Variants in TCERG1 observed in about 807,000 individuals in gnomAD.
The protein encoded by TCERG1 is transcription elongation regulator 1.
A neutral mutation model predicts 144.7 loss-of-function variants in TCERG1; 37 were observed. That is an observed-to-expected ratio of 0.26 (90% CI 0.20 to 0.34). The LOEUF is 0.34. Ranked by LOEUF, TCERG1 falls within the 10% of genes least tolerant of loss-of-function variation. TCERG1 has a pLI of 1.00. For missense variants in TCERG1, 1,027 were observed against 1,380.7 expected (o/e 0.74, Z 4.06); for synonymous variants, 492 against 458.2 (o/e 1.07, Z -0.94).
chr5:146,493,129 T>C (rs1766578673), intron 16 of TCERG1, 91 bp downstream of exon 16: 2 of 962,700 alleles, frequency 2.1e-6, no homozygotes, highest in Non-Finnish European at 3.0e-6. Context: ...ATTTTTTGAC[T>C]ATTTGGGCAC....
chr5:146,468,322 T>C lies in TCERG1; in HGVS notation c.1136-19T>C. The C allele has an allele frequency of 6.4e-7, 1 of 1,573,332 alleles. No homozygotes were observed. Among genetic ancestry groups the C allele is most frequent in the Non-Finnish European group, 8.6e-7 (1 of 1,157,920 alleles). ...ACAATGGCAGCTTTCCAACGTATGC[T>C]TGCTTATCCATTTTACAGGTGTAGC... On this transcript the variant is annotated intron_variant, in intron 5 of 22. Coordinates refer to ENST00000679501, the MANE Select transcript of TCERG1 (RefSeq NM_001382548.1).
At chr5:146,509,323 C>A in intron 22 of TCERG1, 78 bp downstream of exon 22, 2 of 934,224 alleles carry the variant, frequency 2.1e-6, no homozygotes, top group Non-Finnish European at 1.7e-6. Flanking sequence ...GCATTCTTTG[C>A]ATTCACACAC....
intron 17 of TCERG1, among the ~76,000 whole-genome samples, chr5:146,501,641 T>C (rs968098564): frequency 2.6e-5 from 4 of 152,206 alleles, no homozygotes; most frequent in Admixed American, 2.6e-4. Context: ...GTGTTCATCA[T>C]GTCAGATACA....
At chr5:146,510,119 G>A in intron 22 of TCERG1, 1 of 1,301,794 alleles carries the variant, frequency 7.7e-7, no homozygotes, top group Non-Finnish European at 1.0e-6. Context: ...GCTGGGATTG[G>A]CAGCCCCGCA....
At position 146,497,934 on chromosome 5, in the gene TCERG1, G is replaced by A. The variant is rs118146514; in HGVS notation, c.2283-602G>A. Among the ~76,000 whole-genome samples, 1,441 of 152,166 alleles carry A rather than the reference G, an allele frequency of 9.5e-3. 37 individuals carry two copies. Among genetic ancestry groups the A allele is most frequent in the East Asian group, 0.072 (374 of 5,178 alleles). On this transcript the variant is annotated intron_variant, in intron 16 of 22. Transcript: ENST00000679501. ...CTTAGCTGTGGACTCATGGGTAATC[G>A]CTAAGTCAGATTTTTCTTGGGTACC...
chr5:146,478,082 T>A (rs1186423512), intron 9 of TCERG1, among the ~76,000 whole-genome samples: 1 of 152,184 alleles, frequency 6.6e-6, no homozygotes, highest in East Asian at 1.9e-4. Context: ...TAGTTTTGGT[T>A]TGTTAAGAAA....
chr5:146,502,079 A>G (rs1361032673), intron 17 of TCERG1, among the ~76,000 whole-genome samples: 1 of 151,828 alleles, frequency 6.6e-6, no homozygotes, highest in Admixed American at 6.6e-5. Flanking sequence ...TATTTTTAGT[A>G]GAAACGGGGT....
At chr5:146,449,207 G>C (rs1762151730) in intron 1 of TCERG1, among the ~76,000 whole-genome samples, 1 of 152,140 alleles carries the variant, frequency 6.6e-6, no homozygotes, top group Admixed American at 6.5e-5. Flanking sequence ...TAACCGCCTG[G>C]CAAATGAGAT....
chr5:146,496,824 C>T (rs1164106595), intron 16 of TCERG1, among the ~76,000 whole-genome samples: 1 of 150,974 alleles, frequency 6.6e-6, no homozygotes, highest in Non-Finnish European at 1.5e-5. Context: ...GCCACCATGC[C>T]CAACCAATTT....
chr5:146,488,513 A>G (rs1394854332), intron 15 of TCERG1, among the ~76,000 whole-genome samples: 1 of 152,224 alleles, frequency 6.6e-6, no homozygotes, highest in African/African-American at 2.4e-5. Flanking sequence ...AATGCAAATC[A>G]AAACAGCAGT....
At chr5:146,471,047 AC>A (rs1373142234) in intron 8 of TCERG1, among the ~76,000 whole-genome samples, 1 of 152,172 alleles carries the variant, frequency 6.6e-6, no homozygotes. Context: ...GTAACTTCTT[AC>A]TTGGGGAATG....
intron 17 of TCERG1, 112 bp from the exon 18 acceptor site, chr5:146,503,263 C>A: frequency 1.1e-6 from 1 of 920,638 alleles, no homozygotes; most frequent in Non-Finnish European, 1.6e-6. Context: ...AGTTATTATT[C>A]TCATATTTAA....
rs1230360409 is a variant in TCERG1, at chr5:146,498,642, G to C, written c.2389G>C (p.Ala797Pro). 1.2e-6 allele frequency: 2 copies of C among 1,611,020 alleles called. No individual in the cohort carries two copies. Among genetic ancestry groups the C allele is most frequent in the African/African-American group, 2.7e-5 (2 of 74,742 alleles). Residue 797 changes from alanine to proline, a missense_variant, in exon 17 of 23, where the codon GCT (alanine) becomes CCT (proline). Physicochemically the swap from Ala to Pro is conservative, Grantham distance 27. This residue lies in a region of TCERG1 where 482 missense variants were observed against 632.6 expected (regional missense o/e 0.76). Coordinates refer to ENST00000679501, the MANE Select transcript of TCERG1 (RefSeq NM_001382548.1). ...CTTGTTTAATGAGTTTGTGGCCGCT[G>C]CTAGGAAGAAAGAGAAAGAAGATTC... ...EALFNEFVAA[A>P]RKKEKEDSKT...
At chr5:146,462,601 T>C (rs1378163050) in intron 4 of TCERG1, among the ~76,000 whole-genome samples, 2 of 152,184 alleles carry the variant, frequency 1.3e-5, no homozygotes, top group Non-Finnish European at 2.9e-5. Context: ...TTTCCTGGTC[T>C]CTCACAATGG....
intron 5 of TCERG1, among the ~76,000 whole-genome samples, chr5:146,464,088 A>G (rs923553484): frequency 1.1e-4 from 16 of 152,318 alleles, no homozygotes; most frequent in African/African-American, 3.1e-4. Flanking sequence ...TCTAAATGCA[A>G]TATTTTTGAA....
In TCERG1 at chr5:146,507,304, T is replaced by C. The variant is rs1489347018; in HGVS notation, c.2961+97T>C. The stretch of plus-strand genomic sequence containing the variant: ...ATATGATTTTTAGTGTCATGGTCTT[T>C]AGATTCATTACTGGAATGCATCTTA... On this transcript the variant is annotated intron_variant, in intron 20 of 22. Transcript: ENST00000679501. This position sits in a 1 kb window ranked among gnomAD's most constrained non-coding sequence, Gnocchi z 4.6. The C allele has an allele frequency of 3.5e-6, 4 of 1,149,712 alleles. No individual in the cohort carries two copies. Among genetic ancestry groups the C allele is most frequent in the Non-Finnish European group, 3.6e-6 (3 of 830,790 alleles). The allele number at this position is 1,149,712 out of a possible 1,614,324, so 71.2% of individuals were successfully genotyped here.
intron 16 of TCERG1, among the ~76,000 whole-genome samples, chr5:146,494,877 C>T (rs1482199896): frequency 6.6e-6 from 1 of 152,226 alleles, no homozygotes; most frequent in East Asian, 1.9e-4. Context: ...ATCTCCCTGT[C>T]ACTCACCACC....
intron 1 of TCERG1, among the ~76,000 whole-genome samples, chr5:146,449,817 G>C (rs1283635546): frequency 6.6e-6 from 1 of 152,098 alleles, no homozygotes; most frequent in Non-Finnish European, 1.5e-5. Flanking sequence ...AGAGTCATTT[G>C]TATAGATCCT....
At chr5:146,499,244 G>A (rs1057484916) in intron 17 of TCERG1, among the ~76,000 whole-genome samples, 2 of 152,190 alleles carry the variant, frequency 1.3e-5, no homozygotes, top group Admixed American at 1.3e-4. Context: ...CCCCAGTGGT[G>A]TGTGAACCAT....
Sources: allele counts gnomAD v4.1 joint callset (sites outside exome capture counted in the v4.1 genomes callset), GRCh38; gene constraint gnomAD v4.1.1; regional missense constraint gnomAD v4.1.1; non-coding constraint Gnocchi (gnomAD v3.1); transcripts MANE v1.5; gene names NCBI Gene and HGNC (gene_info 2026-07-23, HGNC 2026-07-21).